The following MRPS35 variants were observed in gnomAD, a reference collection of about 807,000 sequenced individuals.
The protein encoded by MRPS35 is small ribosomal subunit protein mS35.
A neutral mutation model predicts 32.7 loss-of-function variants in MRPS35; 29 were observed. That is an observed-to-expected ratio of 0.89 (90% CI 0.66 to 1.21). The LOEUF (loss-of-function observed/expected upper bound fraction) is 1.21. Among genes scored for constraint, MRPS35 ranks in the 50% most tolerant of loss-of-function variants. The pLI, the probability that MRPS35 is intolerant of heterozygous loss-of-function variation, is 0.00. For missense variants in MRPS35, 373 were observed against 383.8 expected (o/e 0.97, Z 0.23); for synonymous variants, 148 against 139.3 (o/e 1.06, Z -0.44).
At chr12:27,741,161 CTG>C (rs1292883347) in intron 7 of MRPS35, among the ~76,000 whole-genome samples, 2 of 151,324 alleles carry the variant, frequency 1.3e-5, no homozygotes, top group Admixed American at 6.6e-5. Context: ...GAGTGAGACT[CTG>C]TCTCAAAAAA....
At chr12:27,728,804 ATGTCATTTACC>A (rs1220758584) in intron 5 of MRPS35, among the ~76,000 whole-genome samples, 1 of 152,068 alleles carries the variant, frequency 6.6e-6, no homozygotes, top group Admixed American at 6.6e-5. Flanking sequence ...TTGCATCTGG[ATGTCATTTACC>A]TTATTTCTTT....
At chr12:27,751,113 AAAAAAAAAAAAAAGAAAAGAAAAG>A (rs2062000835) in intron 7 of MRPS35, among the ~76,000 whole-genome samples, 1 of 150,404 alleles carries the variant, frequency 6.6e-6, no homozygotes. Context: ...AAAAAAAAAA[AAAAAAAAAAAAAAGAAAAGAAAAG>A]AAAAAGGAAA....
intron 4 of MRPS35, among the ~76,000 whole-genome samples, chr12:27,721,323 G>T (rs1298782398): frequency 6.6e-6 from 1 of 152,136 alleles, no homozygotes; most frequent in Non-Finnish European, 1.5e-5. Flanking sequence ...GTTTCTCTAT[G>T]CATTTGTGCC....
chr12:27,721,699 G>A (rs1011402735), intron 4 of MRPS35, among the ~76,000 whole-genome samples: 6 of 152,056 alleles, frequency 3.9e-5, no homozygotes, highest in South Asian at 2.1e-4. Flanking sequence ...TTTTTGTCCC[G>A]TTTGCCACAA....
chr12:27,756,124 A>T lies in MRPS35; in HGVS notation c.*674A>T, dbSNP rs2062025495. 6.6e-6 allele frequency: 1 copy of T among 152,262 alleles called. No homozygotes were observed. The highest frequency in any genetic ancestry group is 2.1e-4 in the South Asian group (1 of 4,836). 9.4% of individuals were successfully genotyped at this position (152,262 alleles called of 1,614,324 possible). A position where few individuals can be genotyped will look rare whatever the true frequency, so the allele number is the denominator to read the frequency against. On this transcript the variant is annotated 3_prime_UTR_variant, in exon 8 of 8. Coordinates refer to ENST00000081029, the MANE Select transcript of MRPS35 (RefSeq NM_021821.4). ...CCACAGCTCAGGAAAAAGATGAGGCATAACGACCTTGAATGTAATTGGAGT... is the reference window on the plus strand; with the variant it reads ...CCACAGCTCAGGAAAAAGATGAGGCTTAACGACCTTGAATGTAATTGGAGT...
Position 27,735,530 on chromosome 12 carries a change from A to G in MRPS35, c.606A>G (p.Thr202=), listed in dbSNP as rs1204753676. 2 of 1,611,956 alleles carry G rather than the reference A, an allele frequency of 1.2e-6. No homozygotes were observed. Among genetic ancestry groups the G allele is most frequent in the Non-Finnish European group, 1.7e-6 (2 of 1,179,258 alleles). ...TAGGAGAGCGATACTGCAAGACCAC[A>G]GATGTGCTTACCATCAAAACAGATA... ...KLVGERYCKT[T]DVLTIKTDRC... The change falls in exon 6 of 8, where the codon ACA becomes ACG. Residue 202 remains threonine, a synonymous_variant. Coordinates refer to ENST00000081029, the MANE Select transcript of MRPS35 (RefSeq NM_021821.4).
chr12:27,710,850 G>C lies in MRPS35; in HGVS notation c.7G>C (p.Ala3Pro). 4.4e-6 allele frequency: 7 copies of C among 1,605,770 alleles called. No homozygotes were observed. Among genetic ancestry groups the C allele is most frequent in the Non-Finnish European group, 5.1e-6 (6 of 1,179,346 alleles). ...GCTTGCCGTCCTCGCAGCCATGGCG[G>C]CCGCCGCGCTCCCAGCATGGCTGTC... MA[A>P]AALPAWLSLQ... Residue 3 changes from alanine to proline, a missense_variant, in exon 1 of 8, where the codon GCC becomes CCC. Physicochemically the swap from Ala to Pro is conservative, Grantham distance 27. Transcript: ENST00000081029.
intron 4 of MRPS35, among the ~76,000 whole-genome samples, chr12:27,720,430 TAAG>T (rs2061869125): frequency 2.0e-5 from 3 of 150,400 alleles, no homozygotes; most frequent in African/African-American, 7.3e-5. Context: ...ATGTTCCATA[TAAG>T]AAGACTAAAG....
intron 7 of MRPS35, among the ~76,000 whole-genome samples, chr12:27,740,362 C>T (rs188388795): frequency 3.3e-5 from 5 of 151,688 alleles, no homozygotes; most frequent in Admixed American, 6.6e-5. Context: ...TGGCCTCCTG[C>T]GTTCAAGTGA....
chr12:27,753,704 ATG>A (rs924665109), intron 7 of MRPS35, among the ~76,000 whole-genome samples: 3 of 149,822 alleles, frequency 2.0e-5, no homozygotes, highest in African/African-American at 7.3e-5. Context: ...GAATATTATT[ATG>A]TGTTAATTTG....
At chr12:27,715,667 T>C (rs1327531355) in intron 2 of MRPS35, among the ~76,000 whole-genome samples, 1 of 152,258 alleles carries the variant, frequency 6.6e-6, no homozygotes, top group Non-Finnish European at 1.5e-5. Flanking sequence ...GGATATTGAC[T>C]ACACTGGTTT....
intron 3 of MRPS35, 40 bp downstream of exon 3, chr12:27,716,498 G>A (rs1196304409): frequency 1.2e-6 from 2 of 1,603,868 alleles, no homozygotes; most frequent in South Asian, 2.2e-5. Flanking sequence ...GACTTACATA[G>A]AAATAAATGC....
At chr12:27,730,543 A>G (rs760879746) in intron 5 of MRPS35, among the ~76,000 whole-genome samples, 15 of 152,158 alleles carry the variant, frequency 9.9e-5, no homozygotes, top group Non-Finnish European at 1.8e-4. Context: ...CGACCTTCCC[A>G]GGCTCTGGTG....
At chr12:27,735,108 T>C (rs1279457197) in intron 5 of MRPS35, among the ~76,000 whole-genome samples, 3 of 152,242 alleles carry the variant, frequency 2.0e-5, no homozygotes, top group Non-Finnish European at 4.4e-5. Flanking sequence ...ATTTCTATAT[T>C]CCAACTTAAC....
Position 27,710,960 on chromosome 12 carries a change from G to A in MRPS35, c.112+5G>A, listed in dbSNP as rs2061817593. Reference sequence around the variant, plus strand: ...CGGTCCCGACACCTAGCCTGCGTGAGTGTCTGTCTCGTCTTCTCTGGGCTT... The same window carrying A: ...CGGTCCCGACACCTAGCCTGCGTGAATGTCTGTCTCGTCTTCTCTGGGCTT... On this transcript the variant is annotated splice_donor_5th_base_variant and intron_variant, in intron 1 of 7. Coordinates refer to ENST00000081029, the MANE Select transcript of MRPS35 (RefSeq NM_021821.4). 6.2e-7 allele frequency: 1 copy of A among 1,611,076 alleles called. No individual in the cohort carries two copies. The highest frequency in any genetic ancestry group is 8.5e-7 in the Non-Finnish European group (1 of 1,178,764).
chr12:27,742,521 T>G (rs2140777875), intron 7 of MRPS35, among the ~76,000 whole-genome samples: 1 of 152,192 alleles, frequency 6.6e-6, no homozygotes, highest in East Asian at 1.9e-4. Flanking sequence ...GTCACAGGAA[T>G]GATGATGGGT....
At position 27,755,371 on chromosome 12, in the gene MRPS35, G is replaced by A; in HGVS notation, c.893G>A (p.Ser298Asn). The A allele has an allele frequency of 6.2e-7, 1 of 1,603,380 alleles. No individual in the cohort carries two copies. Residue 298 changes from serine to asparagine, a missense_variant, in exon 8 of 8, where the codon AGT becomes AAT. Physicochemically the swap from Ser to Asn is conservative, Grantham distance 46. Coordinates refer to ENST00000081029, the MANE Select transcript of MRPS35 (RefSeq NM_021821.4). ...GAAGAGTACAAAAAGTCTGTTGTTA[G>A]TCTTAAAAATGAGGAGGAAAATGAA... ...EIEEYKKSVVSLKNEEENENS... is the reference protein window; with the variant it reads ...EIEEYKKSVVNLKNEEENENS...
intron 2 of MRPS35, 111 bp downstream of exon 2, chr12:27,714,931 G>A: frequency 1.1e-6 from 1 of 872,564 alleles, no homozygotes; most frequent in Non-Finnish European, 1.8e-6. Flanking sequence ...ACAAGGTCAT[G>A]TTTACTGGGT....
intron 7 of MRPS35, among the ~76,000 whole-genome samples, chr12:27,744,255 C>G (rs1354705351): frequency 6.6e-6 from 1 of 152,060 alleles, no homozygotes; most frequent in Non-Finnish European, 1.5e-5. Context: ...GTTTGTACTT[C>G]AAACTATCTA....
Sources: allele counts gnomAD v4.1 joint callset (sites outside exome capture counted in the v4.1 genomes callset), GRCh38; gene constraint gnomAD v4.1.1; transcripts MANE v1.5; gene names NCBI Gene and HGNC (gene_info 2026-07-23, HGNC 2026-07-21).